FAM227A: variants seen among roughly 807,000 people sequenced by gnomAD.
FAM227A encodes the protein family with sequence similarity 227 member A, also known as protein FAM227A.
A neutral mutation model predicts 74.7 loss-of-function variants in FAM227A; 80 were observed. That is an observed-to-expected ratio of 1.07 (90% CI 0.89 to 1.29). The LOEUF is 1.29. Ranked by LOEUF, FAM227A falls within the 50% of genes most tolerant of loss-of-function variation. FAM227A has a pLI of 0.00. For missense variants in FAM227A, 654 were observed against 683.4 expected (o/e 0.96, Z 0.48); for synonymous variants, 237 against 241.8 (o/e 0.98, Z 0.19).
chr22:38,640,673 G>C (rs564270563), intron 3 of FAM227A, among the ~76,000 whole-genome samples: 3 of 152,170 alleles, frequency 2.0e-5, no homozygotes, highest in African/African-American at 4.8e-5. Flanking sequence ...ATCAGCACTC[G>C]TGGAACAATT....
chr22:38,598,934 T>C lies in FAM227A; in HGVS notation c.1379+830A>G, dbSNP rs183651192. On this transcript the variant is annotated intron_variant, in intron 14 of 16. Coordinates refer to ENST00000535113, the MANE Select transcript of FAM227A (RefSeq NM_001013647.2). Reference sequence around the variant, plus strand: ...AAGCTGCTAAGACTCAGGACACCAATATAGGCCACACTTGTTTTCTTTCTT... The same window carrying C: ...AAGCTGCTAAGACTCAGGACACCAACATAGGCCACACTTGTTTTCTTTCTT... Among the ~76,000 whole-genome samples, 7 of 151,754 alleles carry C rather than the reference T, an allele frequency of 4.6e-5. No individual in the cohort carries two copies. In the East Asian group the frequency reaches 9.7e-4, roughly 21 times the overall value.
At chr22:38,590,664 A>T (rs767931422) in intron 16 of FAM227A, among the ~76,000 whole-genome samples, 1 of 152,240 alleles carries the variant, frequency 6.6e-6, no homozygotes, top group Non-Finnish European at 1.5e-5. Flanking sequence ...TGTCTCATAC[A>T]GTTCATGAAG....
At chr22:38,615,039 A>G (rs368666211) in intron 11 of FAM227A, among the ~76,000 whole-genome samples, 1 of 152,108 alleles carries the variant, frequency 6.6e-6, no homozygotes, top group Admixed American at 6.6e-5. Flanking sequence ...TAGGAGGTAA[A>G]AGAGATAGAA....
Position 38,628,257 on chromosome 22 carries a change from G to C in FAM227A, c.707C>G (p.Ser236Cys). 1.3e-6 allele frequency: 2 copies of C among 1,549,026 alleles called. No homozygotes were observed. Among genetic ancestry groups the C allele is most frequent in the Non-Finnish European group, 1.7e-6 (2 of 1,144,628 alleles). The change falls in exon 8 of 17, where the codon TCT (serine) becomes TGT (cysteine). Residue 236 changes from serine to cysteine, a missense_variant. By Grantham distance (112) the Ser-to-Cys change is moderately radical (BLOSUM62 -1). Coordinates refer to ENST00000535113, the MANE Select transcript of FAM227A (RefSeq NM_001013647.2). The part of the protein sequence containing the change: ...LLLFRVPKSH[S>C]EEALLKRLPS... ...GCTCACTTTTAAGAGCGCCTCTTCAGAGTGGGACTTGGGTACACGAAACAA... is the reference window on the plus strand; with the variant it reads ...GCTCACTTTTAAGAGCGCCTCTTCACAGTGGGACTTGGGTACACGAAACAA...
chr22:38,656,374 C>T lies in FAM227A; in HGVS notation c.-349G>A, dbSNP rs536732059. On this transcript the variant is annotated 5_prime_UTR_variant, in exon 1 of 17. Coordinates refer to ENST00000535113, the MANE Select transcript of FAM227A (RefSeq NM_001013647.2). ...CCGTTTAGCATAACAATGGAACCTTCGTGAGCCGCCGCGTTGTCCGCGAGA... is the reference window on the plus strand; with the variant it reads ...CCGTTTAGCATAACAATGGAACCTTTGTGAGCCGCCGCGTTGTCCGCGAGA... 2.0e-5 allele frequency: 3 copies of T among 152,420 alleles called. No individual in the cohort carries two copies. In the South Asian group the frequency reaches 6.2e-4, roughly 32 times the overall value. 9.4% of individuals were successfully genotyped at this position (152,420 alleles called of 1,614,324 possible). A position where few individuals can be genotyped will look rare whatever the true frequency, so the allele number is the denominator to read the frequency against.
Position 38,645,567 on chromosome 22 carries a change from C to T in FAM227A, c.221G>A (p.Ser74Asn), listed in dbSNP as rs1331659421. Residue 74 changes from serine (S) to asparagine (N), a missense_variant, in exon 3 of 17, where the codon AGC becomes AAC. Ser to Asn is a conservative substitution (Grantham distance 46). Coordinates refer to ENST00000535113, the MANE Select transcript of FAM227A (RefSeq NM_001013647.2). ...INLRTEPSAN[S>N]LAIERFELEK... ...GCTCCAGCATAGGTAACTCACCAGG[C>T]TGTTGGCCGACGGCTCGGTACGCAG... The T allele has an allele frequency of 2.6e-6, 4 of 1,550,838 alleles. No individual in the cohort carries two copies. Among genetic ancestry groups the T allele is most frequent in the African/African-American group, 1.4e-5 (1 of 72,982 alleles).
In FAM227A at chr22:38,581,916, A is replaced by G. The variant is rs554800482; in HGVS notation, c.*4209T>C. The G allele has an allele frequency of 1.2e-5, 2 of 161,792 alleles. No homozygotes were observed. Among genetic ancestry groups the G allele is most frequent in the African/African-American group, 4.8e-5 (2 of 41,368 alleles). 10.0% of individuals were successfully genotyped at this position (161,792 alleles called of 1,614,324 possible). On this transcript the variant is annotated 3_prime_UTR_variant, in exon 17 of 17. Transcript: ENST00000535113. ...CACTACCACATCGGACTAATTTTTTATGTTTTTGTAGAGGCAAGGTCTCAC... is the reference window on the plus strand; with the variant it reads ...CACTACCACATCGGACTAATTTTTTGTGTTTTTGTAGAGGCAAGGTCTCAC...
chr22:38,607,557 A>G (rs894373387), intron 11 of FAM227A, 81 bp from the exon 12 acceptor site: 5 of 929,746 alleles, frequency 5.4e-6, no homozygotes, highest in Non-Finnish European at 8.5e-6. Context: ...GAGAAATACA[A>G]AAAAGTAATA....
intron 6 of FAM227A, among the ~76,000 whole-genome samples, chr22:38,632,283 AC>A (rs2091929425): frequency 6.6e-6 from 1 of 152,192 alleles, no homozygotes; most frequent in Non-Finnish European, 1.5e-5. Flanking sequence ...AAGTTCATGT[AC>A]TAGAAACTTA....
At chr22:38,635,183 G>A (rs973747495) in intron 6 of FAM227A, among the ~76,000 whole-genome samples, 3 of 143,676 alleles carry the variant, frequency 2.1e-5, no homozygotes, top group Admixed American at 1.4e-4. Flanking sequence ...CTGAGATCGC[G>A]CCACTGCACT....
At position 38,638,713 on chromosome 22, in the gene FAM227A, G is replaced by A. The variant is rs771845159; in HGVS notation, c.372+33C>T. ...CTTTATTTCATGCCTAGCAGAAGCC[G>A]GTCAGAAACAGACACAGCAGTAGAT... On this transcript the variant is annotated intron_variant, in intron 5 of 16. Transcript: ENST00000535113. 7.2e-5 allele frequency: 104 copies of A among 1,453,244 alleles called. 2 individuals carry two copies. The South Asian group carries it at 8.4e-4, about 12-fold the overall frequency. 90.0% of individuals were successfully genotyped at this position (1,453,244 alleles called of 1,614,324 possible). A position where few individuals can be genotyped will look rare whatever the true frequency, so the allele number is the denominator to read the frequency against.
intron 11 of FAM227A, among the ~76,000 whole-genome samples, chr22:38,607,684 G>A (rs1460236476): frequency 6.6e-6 from 1 of 152,208 alleles, no homozygotes; most frequent in Non-Finnish European, 1.5e-5. Context: ...GAACACATGG[G>A]CTGGGGACCC....
chr22:38,608,547 C>T (rs1398976988), intron 11 of FAM227A, among the ~76,000 whole-genome samples: 1 of 151,916 alleles, frequency 6.6e-6, no homozygotes, highest in African/African-American at 2.4e-5. Flanking sequence ...TCTCTTACCT[C>T]AGCCTCCCGA....
At chr22:38,627,722 C>T (rs1226605218) in intron 8 of FAM227A, among the ~76,000 whole-genome samples, 1 of 152,054 alleles carries the variant, frequency 6.6e-6, no homozygotes, top group Non-Finnish European at 1.5e-5. Flanking sequence ...CCTGCCTCAG[C>T]CTCCCGAGTA....
In FAM227A at chr22:38,599,539, A is replaced by G. The variant is rs78037170; in HGVS notation, c.1379+225T>C. ...GATTTTGCACACAAGGAAATTTGAC[A>G]CACCCTGGGGTCTCATGGCCAGTTC... On this transcript the variant is annotated intron_variant, in intron 14 of 16. Coordinates refer to ENST00000535113, the MANE Select transcript of FAM227A (RefSeq NM_001013647.2). Among the ~76,000 whole-genome samples, 44 of 152,260 alleles carry G rather than the reference A, an allele frequency of 2.9e-4. 1 individual carries two copies. In the East Asian group the frequency reaches 8.5e-3, roughly 29 times the overall value.
Position 38,582,163 on chromosome 22 carries a change from CAT to C in FAM227A, c.*3960_*3961del. ...CATTCACCACAATCAAGATAGTAGA[CAT>C]ATCTGTCACCCCCAAAAGTTTATTT... On this transcript the variant is annotated 3_prime_UTR_variant, in exon 17 of 17. Coordinates refer to ENST00000535113, the MANE Select transcript of FAM227A (RefSeq NM_001013647.2). 1 of 609,164 alleles carries C rather than the reference CAT, an allele frequency of 1.6e-6. No homozygotes were observed. 37.7% of individuals were successfully genotyped at this position (609,164 alleles called of 1,614,324 possible). A position where few individuals can be genotyped will look rare whatever the true frequency, so the allele number is the denominator to read the frequency against.
intron 10 of FAM227A, among the ~76,000 whole-genome samples, chr22:38,622,910 G>C (rs890897267): frequency 6.9e-6 from 1 of 145,922 alleles, no homozygotes. Flanking sequence ...GAGGCAGAGA[G>C]CCCAGCACAG....
Position 38,583,014 on chromosome 22 carries a change from C to G in FAM227A, c.*3111G>C. ...CAGAAGCAGCAACAGACAAAAGATC[C>G]AGAAATAGGAAAGTGTGGTTCCTAG... On this transcript the variant is annotated 3_prime_UTR_variant, in exon 17 of 17. Coordinates refer to ENST00000535113, the MANE Select transcript of FAM227A (RefSeq NM_001013647.2). 1 of 1,515,954 alleles carries G rather than the reference C, an allele frequency of 6.6e-7. No individual in the cohort carries two copies. Among genetic ancestry groups the G allele is most frequent in the Admixed American group, 2.0e-5 (1 of 50,564 alleles). 93.9% of individuals were successfully genotyped at this position (1,515,954 alleles called of 1,614,324 possible). A position where few individuals can be genotyped will look rare whatever the true frequency, so the allele number is the denominator to read the frequency against.
intron 11 of FAM227A, among the ~76,000 whole-genome samples, chr22:38,611,510 T>C (rs62228951): frequency 0.046 from 7,072 of 152,278 alleles, 277 homozygotes; most frequent in East Asian, 0.11. Context: ...AAGACATAAC[T>C]AAACGACAAT....
Sources: allele counts gnomAD v4.1 joint callset (sites outside exome capture counted in the v4.1 genomes callset), GRCh38; gene constraint gnomAD v4.1.1; transcripts MANE v1.5; gene names NCBI Gene and HGNC (gene_info 2026-07-23, HGNC 2026-07-21).